Variants in UGT1A9 observed in about 807,000 individuals in gnomAD.
UGT1A9 encodes UDP glucuronosyltransferase family 1 member A9.
A neutral mutation model predicts 45.0 loss-of-function variants in UGT1A9; 35 were observed. The ratio of observed to expected loss-of-function variants is 0.78; its 90% CI spans 0.59 to 1.03. The LOEUF is 1.03. Ranked by LOEUF, UGT1A9 falls within the 50% of genes least tolerant of loss-of-function variation. The pLI, the probability that UGT1A9 is intolerant of heterozygous loss-of-function variation, is 0.00. For missense variants in UGT1A9, 687 were observed against 666.6 expected (o/e 1.03, Z -0.34); for synonymous variants, 278 against 250.6 (o/e 1.11, Z -1.03).
chr2:233,701,753 A>G (rs540599933), intron 1 of UGT1A9, among the ~76,000 whole-genome samples: 7 of 152,372 alleles, frequency 4.6e-5, no homozygotes, highest in Non-Finnish European at 1.0e-4. Context: ...TACTGGGTAC[A>G]TAACGAAATG....
chr2:233,703,233 A>G (rs1316206698), intron 1 of UGT1A9, among the ~76,000 whole-genome samples: 2 of 152,204 alleles, frequency 1.3e-5, no homozygotes, highest in Admixed American at 1.3e-4. Flanking sequence ...TCCTTGGCAT[A>G]AAATGGCCCA....
intron 1 of UGT1A9, among the ~76,000 whole-genome samples, chr2:233,723,234 T>C (rs1308152593): frequency 3.2e-4 from 38 of 117,916 alleles, no homozygotes; most frequent in African/African-American, 1.4e-3. Context: ...TTTTTTGAGT[T>C]GGAGTCCTGC....
rs574223666 is a variant in UGT1A9, at chr2:233,734,984, T to C, written c.856-32050T>C. ...GTGATGTGGTGCTGAGAAGAATGTA[T>C]ATTCTCTTGACTTAGGGTGGAGAGT... On this transcript the variant is annotated intron_variant, in intron 1 of 4. Transcript: ENST00000354728. Among the ~76,000 whole-genome samples, 9 of 152,370 alleles carry C rather than the reference T, an allele frequency of 5.9e-5. No homozygotes were observed. In the East Asian group the frequency reaches 1.5e-3, roughly 26 times the overall value.
At chr2:233,717,751 C>T (rs1175015057) in intron 1 of UGT1A9, 3 of 456,586 alleles carry the variant, frequency 6.6e-6, no homozygotes, top group East Asian at 1.4e-4. Context: ...GGGTCTCCCC[C>T]TAGAAAGGCA....
intron 1 of UGT1A9, chr2:233,755,137 T>A: frequency 7.6e-7 from 1 of 1,310,376 alleles, no homozygotes; most frequent in Non-Finnish European, 1.0e-6. Context: ...TGCTTGAATC[T>A]TCTCACCGCT....
intron 1 of UGT1A9, among the ~76,000 whole-genome samples, chr2:233,750,112 A>G (rs965071088): frequency 7.2e-5 from 11 of 151,944 alleles, no homozygotes; most frequent in Middle Eastern, 3.2e-3. Flanking sequence ...AGAAGAAGAC[A>G]GGAAGATGTG....
At chr2:233,705,072 G>T (rs2075820474) in intron 1 of UGT1A9, among the ~76,000 whole-genome samples, 1 of 152,036 alleles carries the variant, frequency 6.6e-6, no homozygotes, top group South Asian at 2.1e-4. Flanking sequence ...GGAGGCGGAG[G>T]TTGCAGAGAG....
intron 1 of UGT1A9, among the ~76,000 whole-genome samples, chr2:233,734,927 C>T (rs1223344443): frequency 1.3e-5 from 2 of 152,170 alleles, no homozygotes; most frequent in Non-Finnish European, 2.9e-5. Context: ...GAGTGCTTTA[C>T]TTACAATCAT....
intron 4 of UGT1A9, 132 bp from the exon 5 acceptor site, chr2:233,772,130 A>G: frequency 2.6e-6 from 4 of 1,542,514 alleles, no homozygotes; most frequent in Non-Finnish European, 2.6e-6. Context: ...AACAACAACA[A>G]CAATAATAGA....
chr2:233,707,287 A>G (rs1559355185), intron 1 of UGT1A9, among the ~76,000 whole-genome samples: 1 of 152,088 alleles, frequency 6.6e-6, no homozygotes, highest in Non-Finnish European at 1.5e-5. Context: ...CAGGGCACAC[A>G]TGCAGGATGT....
chr2:233,762,498 T>G (rs1698092271), intron 1 of UGT1A9, among the ~76,000 whole-genome samples: 1 of 152,236 alleles, frequency 6.6e-6, no homozygotes, highest in African/African-American at 2.4e-5. Flanking sequence ...TGCTATTACT[T>G]TTTAAACTAT....
At chr2:233,724,616 A>G (rs1272426600) in intron 1 of UGT1A9, among the ~76,000 whole-genome samples, 3 of 132,176 alleles carry the variant, frequency 2.3e-5, no homozygotes, top group Non-Finnish European at 4.8e-5. Flanking sequence ...CCGGGCAGAG[A>G]CGCTCCTCAC....
rs1387531688 is a variant in UGT1A9 at position 233,769,376 on chromosome 2, C to T, written c.1295+937C>T. On this transcript the variant is annotated intron_variant, in intron 4 of 4. Transcript: ENST00000354728. The surrounding 1 kb of genome is among the most constrained non-coding windows in gnomAD (Gnocchi z 4.4). ...AGTGGTGGCCAGTGGTAGATTTCAT[C>T]CGACAATAGATACTGTGTGCATATG... Among the ~76,000 whole-genome samples the T allele has an allele frequency of 6.6e-6, 1 of 152,162 alleles. No homozygotes were observed. The highest frequency in any genetic ancestry group is 1.5e-5 in the Non-Finnish European group (1 of 68,030).
chr2:233,772,282 G>A lies in UGT1A9; in HGVS notation c.1316G>A (p.Arg439His), dbSNP rs748166510. The change falls in exon 5 of 5, where the codon CGC becomes CAC. Residue 439 changes from arginine to histidine, a missense_variant. Arg to His is a conservative substitution (Grantham distance 29). Transcript: ENST00000354728. ...TTTAGTTACAAGGAGAACATCATGC[G>A]CCTCTCCAGCCTTCACAAGGACCGC... ...NDKSYKENIM[R>H]LSSLHKDRPV... 13 of 1,614,078 alleles carry A rather than the reference G, an allele frequency of 8.1e-6. No homozygotes were observed. Among genetic ancestry groups the A allele is most frequent in the Middle Eastern group, 1.6e-4 (1 of 6,084 alleles).
chr2:233,674,457 C>A (rs1297028136), intron 1 of UGT1A9, among the ~76,000 whole-genome samples: 1 of 152,120 alleles, frequency 6.6e-6, no homozygotes, highest in African/African-American at 2.4e-5. Context: ...CACCCCACAA[C>A]CTTTGGCTGA....
chr2:233,767,704 T>A, intron 2 of UGT1A9, 145 bp from the exon 3 acceptor site: 1 of 1,518,956 alleles, frequency 6.6e-7, no homozygotes, highest in East Asian at 2.4e-5. Context: ...TTGCCAGTCC[T>A]CAGAAGCCTT....
At chr2:233,749,912 GT>G (rs559529572) in intron 1 of UGT1A9, among the ~76,000 whole-genome samples, 2 of 151,864 alleles carry the variant, frequency 1.3e-5, no homozygotes, top group African/African-American at 4.9e-5. Context: ...ACCTGGAACT[GT>G]GAGTCAATTA....
intron 1 of UGT1A9, among the ~76,000 whole-genome samples, chr2:233,742,157 G>GAC (rs1409111840): frequency 6.6e-6 from 1 of 151,878 alleles, no homozygotes; most frequent in Non-Finnish European, 1.5e-5. Context: ...ACGAATTAAA[G>GAC]ACACACACAC....
chr2:233,719,450 G>T, intron 1 of UGT1A9: 1 of 1,613,868 alleles, frequency 6.2e-7, no homozygotes, highest in Non-Finnish European at 8.5e-7. Flanking sequence ...TCCTGCAAAG[G>T]GTCAAGAACA....
Sources: gnomAD v4.1 joint callset for allele counts (sites outside exome capture counted in the v4.1 genomes callset) on GRCh38, gnomAD v4.1.1 for gene constraint, Gnocchi (gnomAD v3.1) non-coding constraint, MANE v1.5 for transcripts, NCBI Gene and HGNC (gene_info 2026-07-23, HGNC 2026-07-21) for gene names.